Variants in ABCC4 observed in about 807,000 individuals in gnomAD.
The protein encoded by ABCC4 is ATP binding cassette subfamily C member 4 (PEL blood group).
A neutral mutation model predicts 168.5 loss-of-function variants in ABCC4; 102 were observed. The ratio of observed to expected loss-of-function variants is 0.61; its 90% CI spans 0.52 to 0.71. The LOEUF (loss-of-function observed/expected upper bound fraction) is 0.71. Ranked by LOEUF, ABCC4 falls within the 30% of genes least tolerant of loss-of-function variation. ABCC4 has a pLI of 0.00. For missense variants in ABCC4, 1,402 were observed against 1,605.8 expected, an observed-to-expected ratio of 0.87 and a Z score of 2.17; for synonymous variants, 617 against 590.7, an observed-to-expected ratio of 1.04 and a Z score of -0.65.
chr13:95,145,740 C>T (rs1346607610), intron 19 of ABCC4, among the ~76,000 whole-genome samples: 2 of 152,046 alleles, frequency 1.3e-5, no homozygotes, highest in Non-Finnish European at 2.9e-5. Flanking sequence ...AAATGTGGTA[C>T]ATATACACCA....
intron 21 of ABCC4, among the ~76,000 whole-genome samples, chr13:95,076,102 T>C (rs1049765939): frequency 6.6e-6 from 1 of 152,162 alleles, no homozygotes; most frequent in African/African-American, 2.4e-5. Flanking sequence ...AGACAGACTG[T>C]CACTTCCCTG....
rs1051293557 is a variant in ABCC4 at position 95,028,005 on chromosome 13, G to A, written c.3871-6323C>T. ...CAAAGAAAGCAAAGTAAAAGCACGC[G>A]ACCCAGTCTAGTTTTGAACCAGTGT... On this transcript the variant is annotated intron_variant, in intron 30 of 30. Transcript: ENST00000645237. Among the ~76,000 whole-genome samples, 16 of 152,064 alleles carry A rather than the reference G, an allele frequency of 1.1e-4. 1 individual carries two copies. The East Asian group carries it at 1.3e-3, about 13-fold the overall frequency.
chr13:95,060,841 T>G (rs1230334497), intron 26 of ABCC4, among the ~76,000 whole-genome samples: 4 of 152,174 alleles, frequency 2.6e-5, no homozygotes, highest in Admixed American at 1.3e-4. Flanking sequence ...CACCATCCAT[T>G]CACAAGACGC....
At chr13:95,276,920 G>A in intron 1 of ABCC4, among the ~76,000 whole-genome samples, 1 of 152,178 alleles carries the variant, frequency 6.6e-6, no homozygotes, top group East Asian at 1.9e-4. Flanking sequence ...TTAGGAGGCT[G>A]AGGCAGGAGA....
At chr13:95,124,462 G>A (rs2035679710) in intron 19 of ABCC4, among the ~76,000 whole-genome samples, 1 of 151,590 alleles carries the variant, frequency 6.6e-6, no homozygotes, top group Non-Finnish European at 1.5e-5. Context: ...GAAACCAAGG[G>A]GAGAGGACTG....
chr13:95,107,873 A>G (rs1193604573), intron 20 of ABCC4, among the ~76,000 whole-genome samples: 1 of 152,148 alleles, frequency 6.6e-6, no homozygotes, highest in Non-Finnish European at 1.5e-5. Context: ...TGGGAGGCAA[A>G]GTTTGCAGCG....
intron 30 of ABCC4, among the ~76,000 whole-genome samples, chr13:95,023,649 C>G (rs993132825): frequency 6.6e-6 from 1 of 152,206 alleles, no homozygotes; most frequent in African/African-American, 2.4e-5. Context: ...GGTTGAAAAC[C>G]TGCTGCATTA....
chr13:95,107,938 C>CAA (rs1323780457), intron 20 of ABCC4, among the ~76,000 whole-genome samples: 1 of 151,370 alleles, frequency 6.6e-6, no homozygotes, highest in East Asian at 1.9e-4. Context: ...GACCCCATCT[C>CAA]AAAAAAAAGA....
intron 19 of ABCC4, among the ~76,000 whole-genome samples, chr13:95,133,952 G>A (rs892645986): frequency 2.0e-5 from 3 of 152,128 alleles, no homozygotes; most frequent in South Asian, 2.1e-4. Context: ...AGCCAAACAC[G>A]TTCAGGTTAA....
chr13:95,273,800 GTTTTTTTTTTGGTTTGTTTTTTT>G (rs1452116561), intron 1 of ABCC4, among the ~76,000 whole-genome samples: 2 of 127,114 alleles, frequency 1.6e-5, no homozygotes, highest in Non-Finnish European at 3.4e-5. Flanking sequence ...GATCTGATGG[GTTTTTTTTTTGGTTTGTTTTTTT>G]TTTTTTTTTT....
intron 5 of ABCC4, 58 bp from the exon 6 acceptor site, chr13:95,209,655 C>A: frequency 6.6e-7 from 1 of 1,510,566 alleles, no homozygotes; most frequent in Non-Finnish European, 9.0e-7. Flanking sequence ...CCAGTAAGAA[C>A]ACAGTACAGA....
rs146335210 is a variant in ABCC4, at chr13:95,289,263, G to A, written c.74+11978C>T. ...ATTAGAAGAGCAATTTTATGCTCACGAGCTCTGAATTCACAAGTGTGAGAT... is the reference window on the plus strand; with the variant it reads ...ATTAGAAGAGCAATTTTATGCTCACAAGCTCTGAATTCACAAGTGTGAGAT... On this transcript the variant is annotated intron_variant, in intron 1 of 30. Coordinates refer to ENST00000645237, the MANE Select transcript of ABCC4 (RefSeq NM_005845.5). 6.5e-4 allele frequency among the ~76,000 whole-genome samples: 99 copies of A among 152,278 alleles called. 1 individual carries two copies. Among genetic ancestry groups the A allele is most frequent in the South Asian group, 3.5e-3 (17 of 4,826 alleles).
At chr13:95,133,268 C>T (rs1360996119) in intron 19 of ABCC4, among the ~76,000 whole-genome samples, 2 of 151,740 alleles carry the variant, frequency 1.3e-5, no homozygotes, top group Non-Finnish European at 2.9e-5. Flanking sequence ...CGTGCACCAC[C>T]ACACCTGGCT....
At chr13:95,231,417 C>A (rs9561811) in intron 4 of ABCC4, among the ~76,000 whole-genome samples, 1 of 151,968 alleles carries the variant, frequency 6.6e-6, no homozygotes, top group Admixed American at 6.5e-5. Context: ...TCATTCAATA[C>A]CAAATGTCGA....
chr13:95,176,591 C>T (rs1269866416), intron 13 of ABCC4, among the ~76,000 whole-genome samples: 2 of 152,210 alleles, frequency 1.3e-5, no homozygotes. Context: ...TTGATCCATG[C>T]AGAGACAAAT....
chr13:95,114,205 TACA>T (rs563595594), intron 20 of ABCC4, among the ~76,000 whole-genome samples: 150 of 152,300 alleles, frequency 9.8e-4, no homozygotes, highest in Non-Finnish European at 1.8e-3. Context: ...TAAATAGAAG[TACA>T]ACGAGACTAG....
intron 21 of ABCC4, among the ~76,000 whole-genome samples, chr13:95,082,470 G>A (rs1352532436): frequency 6.6e-6 from 1 of 152,054 alleles, no homozygotes; most frequent in Admixed American, 6.6e-5. Context: ...TGATCTAAGG[G>A]GATTATTTTC....
rs890350276 is a variant in ABCC4 at position 95,214,348 on chromosome 13, AGAAGAAATAGGG to A, written c.532-3579_532-3568del. Among the ~76,000 whole-genome samples the A allele has an allele frequency of 5.1e-4, 78 of 152,308 alleles. 1 individual carries two copies. Among genetic ancestry groups the A allele is most frequent in the African/African-American group, 1.7e-3 (69 of 41,570 alleles). ...TTCATGTAATTGGAGTCCTAAAAGA[AGAAGAAATAGGG>A]GAAGAAAAAATATTTGAACAAATAA... On this transcript the variant is annotated intron_variant, in intron 4 of 30. Coordinates refer to ENST00000645237, the MANE Select transcript of ABCC4 (RefSeq NM_005845.5).
At chr13:95,119,410 A>G (rs1489382061) in intron 19 of ABCC4, among the ~76,000 whole-genome samples, 2 of 152,192 alleles carry the variant, frequency 1.3e-5, no homozygotes, top group African/African-American at 2.4e-5. Flanking sequence ...ATATTAAGTT[A>G]TGAGCACACT....
Sources: gnomAD v4.1 joint callset for allele counts (sites outside exome capture counted in the v4.1 genomes callset) on GRCh38, gnomAD v4.1.1 for gene constraint, MANE v1.5 for transcripts, NCBI Gene and HGNC (gene_info 2026-07-23, HGNC 2026-07-21) for gene names.